The following ACTG2 variants were observed in gnomAD, a reference collection of about 807,000 sequenced individuals.
The protein encoded by ACTG2 is actin gamma 2, smooth muscle.
In ACTG2, 16 loss-of-function variants were observed where a neutral mutation model predicts 37.6. The observed-to-expected ratio is 0.43, with a 90% CI of 0.29 to 0.65. The LOEUF (loss-of-function observed/expected upper bound fraction) is 0.65. Ranked by LOEUF, ACTG2 falls within the 30% of genes least tolerant of loss-of-function variation. The pLI, the probability that ACTG2 is intolerant of heterozygous loss-of-function variation, is 0.18. For synonymous variants in ACTG2, 181 were observed against 179.9 expected (o/e 1.01, Z -0.05); for missense variants, 238 against 490.9 (o/e 0.48, Z 4.87).
At chr2:73,893,771 T>C (rs527360920) in intron 1 of ACTG2, among the ~76,000 whole-genome samples, 2 of 152,260 alleles carry the variant, frequency 1.3e-5, no homozygotes, top group South Asian at 2.1e-4. Flanking sequence ...CACCCAACTG[T>C]GACCCATTTG....
Position 73,919,777 on chromosome 2 carries a change from T to C in ACTG2, c.*202T>C. 2 of 447,480 alleles carry C rather than the reference T, an allele frequency of 4.5e-6. No individual in the cohort carries two copies. Among genetic ancestry groups the C allele is most frequent in the Non-Finnish European group, 7.5e-6 (2 of 266,534 alleles). The allele number at this position is 447,480 out of a possible 1,614,324, so 27.7% of individuals were successfully genotyped here. ...GTAGGTGCTATCATTATACCCATAT[T>C]ACAGATGAGGAAATTGAGGCTCAGA... On this transcript the variant is annotated 3_prime_UTR_variant, in exon 9 of 9. Coordinates refer to ENST00000345517, the MANE Select transcript of ACTG2 (RefSeq NM_001615.4).
Position 73,919,445 on chromosome 2 carries a change from C to T in ACTG2, c.1001C>T (p.Pro334Leu). 1 of 1,613,680 alleles carries T rather than the reference C, an allele frequency of 6.2e-7. No individual in the cohort carries two copies. The highest frequency in any genetic ancestry group is 8.5e-7 in the Non-Finnish European group (1 of 1,179,998). The change falls in exon 9 of 9, where the codon CCA becomes CTA. Residue 334 changes from proline to leucine, a missense_variant. Physicochemically the swap from Pro to Leu is moderately conservative, Grantham distance 98 (BLOSUM62 -3). Transcript: ENST00000345517. ...STMKIKIIAP[P>L]ERKYSVWIGG... ...TGTTCTTTGCAGATTATTGCTCCCCCAGAGCGGAAGTACTCAGTCTGGATC... is the reference window on the plus strand; with the variant it reads ...TGTTCTTTGCAGATTATTGCTCCCCTAGAGCGGAAGTACTCAGTCTGGATC...
rs1485446172 is a variant in ACTG2 at position 73,908,593 on chromosome 2, T to A, written c.256-80T>A. The A allele has an allele frequency of 2.5e-6, 3 of 1,216,142 alleles. No homozygotes were observed. The African/African-American group carries it at 4.5e-5, about 18-fold the overall frequency. The allele number at this position is 1,216,142 out of a possible 1,614,324, so 75.3% of individuals were successfully genotyped here. On this transcript the variant is annotated intron_variant, in intron 3 of 8. Transcript: ENST00000345517. ...CATCCTGTGTAACATGGTGCCACAC[T>A]CTCCCAGCATGGGAATGTCAATGAG...
intron 3 of ACTG2, among the ~76,000 whole-genome samples, chr2:73,903,819 A>C (rs1679942997): frequency 6.6e-6 from 1 of 151,922 alleles, no homozygotes; most frequent in South Asian, 2.1e-4. Flanking sequence ...GGGTGCCTGT[A>C]ATCCCAGCTA....
At chr2:73,894,513 G>T (rs1356733482) in intron 1 of ACTG2, among the ~76,000 whole-genome samples, 2 of 152,148 alleles carry the variant, frequency 1.3e-5, no homozygotes, top group African/African-American at 4.8e-5. Context: ...CATTTATTGA[G>T]CACTTATTAT....
At chr2:73,894,873 C>A (rs914524596) in intron 1 of ACTG2, among the ~76,000 whole-genome samples, 1 of 152,138 alleles carries the variant, frequency 6.6e-6, no homozygotes, top group Non-Finnish European at 1.5e-5. Flanking sequence ...GCTTTAGACT[C>A]TAAAGGATCA....
chr2:73,902,989 C>T (rs957791389), intron 3 of ACTG2: 2 of 490,458 alleles, frequency 4.1e-6, no homozygotes, highest in Non-Finnish European at 7.2e-6. Flanking sequence ...TCTTATCTTC[C>T]CTGTCAAGAC....
chr2:73,909,231 A>C lies in ACTG2; in HGVS notation c.451+92A>C. The C allele has an allele frequency of 2.5e-6, 3 of 1,204,010 alleles. No homozygotes were observed. In the Admixed American group the frequency reaches 5.4e-5, roughly 22 times the overall value. 74.6% of individuals were successfully genotyped at this position (1,204,010 alleles called of 1,614,324 possible). A position where few individuals can be genotyped will look rare whatever the true frequency, so the allele number is the denominator to read the frequency against. On this transcript the variant is annotated intron_variant, in intron 5 of 8. Coordinates refer to ENST00000345517, the MANE Select transcript of ACTG2 (RefSeq NM_001615.4). ...AGAGGCTCCTGCTCAGAAGAATCAA[A>C]TGGACAGCTGAAGTCCAGGCAAAAT...
intron 7 of ACTG2, among the ~76,000 whole-genome samples, chr2:73,915,676 G>A (rs1167635581): frequency 6.6e-5 from 10 of 152,156 alleles, no homozygotes; most frequent in Admixed American, 1.3e-4. Context: ...ATGACATGAC[G>A]AGTATATCCA....
At position 73,913,381 on chromosome 2, in the gene ACTG2, T is replaced by C. The variant is rs556053979; in HGVS notation, c.452-104T>C. 7 of 1,093,142 alleles carry C rather than the reference T, an allele frequency of 6.4e-6. No homozygotes were observed. In the East Asian group the frequency reaches 1.9e-4, roughly 30 times the overall value. 67.7% of individuals were successfully genotyped at this position (1,093,142 alleles called of 1,614,324 possible). On this transcript the variant is annotated intron_variant, in intron 5 of 8. Transcript: ENST00000345517. Reference sequence around the variant, plus strand: ...GTGATGGGTGAATATTCTTAACTGGTAAAGGAAAATATGGTAGTCAGAGCT... The same window carrying C: ...GTGATGGGTGAATATTCTTAACTGGCAAAGGAAAATATGGTAGTCAGAGCT...
intron 1 of ACTG2, among the ~76,000 whole-genome samples, chr2:73,895,441 T>G (rs1010223590): frequency 6.6e-6 from 1 of 152,214 alleles, no homozygotes; most frequent in Admixed American, 6.5e-5. Context: ...GAATTTTCCA[T>G]CGTGGCAGTG....
chr2:73,898,423 G>A (rs7557701), intron 1 of ACTG2, among the ~76,000 whole-genome samples: 20,500 of 138,854 alleles, frequency 0.15, 1,845 homozygotes, highest in Middle Eastern at 0.27. Context: ...TAGTTTACAA[G>A]CCAACTTATT....
chr2:73,909,163 C>G (rs751206063), intron 5 of ACTG2, 24 bp downstream of exon 5: 1 of 1,592,366 alleles, frequency 6.3e-7, no homozygotes, highest in Non-Finnish European at 8.6e-7. Context: ...TAATCCATTC[C>G]TTTTCTGACT....
chr2:73,907,014 T>C (rs944099527), intron 3 of ACTG2, among the ~76,000 whole-genome samples: 3 of 152,122 alleles, frequency 2.0e-5, no homozygotes, highest in African/African-American at 7.2e-5. Context: ...TCCTGTGCAA[T>C]GCTCACAGTC....
intron 7 of ACTG2, among the ~76,000 whole-genome samples, chr2:73,916,269 G>A (rs182451005): frequency 3.6e-4 from 55 of 151,780 alleles, no homozygotes; most frequent in African/African-American, 9.4e-4. Context: ...CCAGCTACTC[G>A]GGAGGCTGAG....
chr2:73,910,843 T>C (rs1278438704), intron 5 of ACTG2, among the ~76,000 whole-genome samples: 2 of 152,066 alleles, frequency 1.3e-5, no homozygotes, highest in Non-Finnish European at 2.9e-5. Context: ...GGATTACAGG[T>C]GTGATCATCA....
intron 3 of ACTG2, among the ~76,000 whole-genome samples, chr2:73,904,248 C>CAAAAA (rs61261289): frequency 2.5e-3 from 164 of 65,178 alleles, no homozygotes; most frequent in Non-Finnish European, 3.0e-3. Context: ...GACCATGTCT[C>CAAAAA]AAAAAAAAAA....
intron 3 of ACTG2, among the ~76,000 whole-genome samples, chr2:73,907,409 A>G (rs900818003): frequency 6.6e-6 from 1 of 151,750 alleles, no homozygotes; most frequent in Non-Finnish European, 1.5e-5. Context: ...CCTCTGAAAG[A>G]CTCCTTTTTG....
rs780015291 is a variant in ACTG2, at chr2:73,894,233, C to T, written c.-37+1182C>T. Among the ~76,000 whole-genome samples the T allele has an allele frequency of 4.1e-4, 62 of 152,236 alleles. 1 individual carries two copies. Among genetic ancestry groups the T allele is most frequent in the Admixed American group, 3.3e-4 (5 of 15,284 alleles). On this transcript the variant is annotated intron_variant, in intron 1 of 8. Transcript: ENST00000345517. ...TTGGAATTCCTAACAAGCTCCCAGG[C>T]GACACTGAAGCTGCTGGTCTGGGAC...
Sources: gnomAD v4.1 joint callset for allele counts (sites outside exome capture counted in the v4.1 genomes callset) on GRCh38, gnomAD v4.1.1 for gene constraint, MANE v1.5 for transcripts, NCBI Gene and HGNC (gene_info 2026-07-23, HGNC 2026-07-21) for gene names.